The following IL1RAPL2 variants were observed in gnomAD, a reference collection of about 807,000 sequenced individuals.
The protein encoded by IL1RAPL2 is X-linked interleukin-1 receptor accessory protein-like 2.
A neutral mutation model predicts 44.1 loss-of-function variants in IL1RAPL2; 3 were observed. That is an observed-to-expected ratio of 0.07 (90% CI 0.03 to 0.18). IL1RAPL2 has a LOEUF of 0.18. Among genes scored for constraint, IL1RAPL2 ranks in the 10% least tolerant of loss-of-function variants. IL1RAPL2 has a pLI of 1.00. For synonymous variants in IL1RAPL2, 181 were observed against 178.8 expected, an observed-to-expected ratio of 1.01 and a Z score of -0.10; for missense variants, 391 against 496.4, an observed-to-expected ratio of 0.79 and a Z score of 2.02.
intron 2 of IL1RAPL2, among the ~76,000 whole-genome samples, chrX:104,933,981 T>G (rs2043361368): frequency 8.9e-6 from 1 of 111,747 alleles, no homozygotes; most frequent in South Asian, 3.7e-4. Context: ...GCAAATTATT[T>G]TGGAGATTTC....
chrX:104,902,888 G>A (rs1343063564), intron 2 of IL1RAPL2, among the ~76,000 whole-genome samples: 1 of 111,740 alleles, frequency 8.9e-6, no homozygotes, highest in Non-Finnish European at 1.9e-5. Context: ...AAATTGTGGT[G>A]TTCTGGGGGA....
intron 2 of IL1RAPL2, among the ~76,000 whole-genome samples, chrX:104,882,763 C>T (rs751466286): frequency 6.3e-5 from 7 of 111,797 alleles, no homozygotes; most frequent in South Asian, 3.8e-4. Context: ...TTTGTTCTTT[C>T]GCTCTTCTCA....
intron 2 of IL1RAPL2, among the ~76,000 whole-genome samples, chrX:104,858,243 T>G (rs1922414002): frequency 9.0e-6 from 1 of 111,712 alleles, no homozygotes; most frequent in South Asian, 3.7e-4. Context: ...CCCTAATATT[T>G]AGCAGAGAGT....
intron 5 of IL1RAPL2, among the ~76,000 whole-genome samples, chrX:105,416,975 T>C (rs1371789194): frequency 3.6e-5 from 4 of 112,344 alleles, no homozygotes; most frequent in Admixed American, 9.4e-5. Context: ...CCCTATTCCA[T>C]GTCTTGCAGA....
At chrX:104,992,381 C>T (rs920634045) in intron 2 of IL1RAPL2, among the ~76,000 whole-genome samples, 8 of 111,216 alleles carry the variant, frequency 7.2e-5, no homozygotes, top group Admixed American at 1.9e-4. Context: ...GCCCTTACAC[C>T]GGGTACTTGC....
chrX:105,719,113 G>C (rs182993961), intron 7 of IL1RAPL2, among the ~76,000 whole-genome samples: 12 of 111,717 alleles, frequency 1.1e-4, no homozygotes, highest in African/African-American at 3.9e-4. Flanking sequence ...TAGCAGCATT[G>C]CTCATAATAG....
At chrX:105,566,171 C>A (rs1451418585) in intron 6 of IL1RAPL2, among the ~76,000 whole-genome samples, 1 of 110,438 alleles carries the variant, frequency 9.1e-6, no homozygotes, top group East Asian at 2.9e-4. Flanking sequence ...CATGTGTATT[C>A]TTTTCTTATT....
At chrX:105,451,507 A>AT (rs1218460712) in intron 5 of IL1RAPL2, among the ~76,000 whole-genome samples, 6 of 112,193 alleles carry the variant, frequency 5.3e-5, no homozygotes, top group Non-Finnish European at 1.1e-4. Context: ...TATAAGACAG[A>AT]TATTAAAGTG....
At chrX:105,754,242 T>C (rs2038619112) in intron 9 of IL1RAPL2, among the ~76,000 whole-genome samples, 1 of 112,375 alleles carries the variant, frequency 8.9e-6, no homozygotes, top group Non-Finnish European at 1.9e-5. Context: ...TTTTTTTTAA[T>C]AAGGGAATTT....
chrX:105,146,706 G>A (rs752273122), intron 2 of IL1RAPL2, among the ~76,000 whole-genome samples: 1 of 111,110 alleles, frequency 9.0e-6, no homozygotes, highest in Non-Finnish European at 1.9e-5. Context: ...ATTGGGATTT[G>A]CAGTGAGAAA....
At chrX:105,147,080 G>A (rs1283324974) in intron 2 of IL1RAPL2, among the ~76,000 whole-genome samples, 1 of 111,209 alleles carries the variant, frequency 9.0e-6, no homozygotes, top group Non-Finnish European at 1.9e-5. Flanking sequence ...GGATGTCAGG[G>A]TTTAGTCCTC....
intron 6 of IL1RAPL2, among the ~76,000 whole-genome samples, chrX:105,665,726 GTTT>G (rs745949698): frequency 8.0e-5 from 6 of 75,211 alleles, no homozygotes; most frequent in East Asian, 3.2e-4. Context: ...TTTTATTTTT[GTTT>G]TTTTGTTTTT....
chrX:105,033,833 C>G (rs1189275077), intron 2 of IL1RAPL2, among the ~76,000 whole-genome samples: 1 of 111,970 alleles, frequency 8.9e-6, no homozygotes, highest in African/African-American at 3.2e-5. Context: ...CAACTTGGTT[C>G]CATTCTCCCC....
At chrX:104,732,435 G>A (rs555684819) in intron 2 of IL1RAPL2, among the ~76,000 whole-genome samples, 192 of 111,923 alleles carry the variant, frequency 1.7e-3, no homozygotes, top group Non-Finnish European at 3.2e-3. Flanking sequence ...AGAATGAAAA[G>A]GGAGATGCTA....
chrX:104,728,165 G>T (rs1205326697), intron 2 of IL1RAPL2, among the ~76,000 whole-genome samples: 1 of 111,504 alleles, frequency 9.0e-6, no homozygotes, highest in Non-Finnish European at 1.9e-5. Flanking sequence ...AAGAGCTGAG[G>T]AAAATAACAA....
chrX:105,438,267 T>C (rs2035895383), intron 5 of IL1RAPL2, among the ~76,000 whole-genome samples: 2 of 111,008 alleles, frequency 1.8e-5, no homozygotes, highest in Non-Finnish European at 3.8e-5. Context: ...CCTGGTTAAG[T>C]ACCAGATAAT....
At chrX:105,341,973 G>A (rs1261530553) in intron 5 of IL1RAPL2, among the ~76,000 whole-genome samples, 1 of 109,722 alleles carries the variant, frequency 9.1e-6, no homozygotes, top group Non-Finnish European at 1.9e-5. Context: ...GGAATACTAT[G>A]CAGCCATAAA....
chrX:105,207,916 C>A (rs1331338751), intron 3 of IL1RAPL2, among the ~76,000 whole-genome samples: 2 of 111,965 alleles, frequency 1.8e-5, no homozygotes, highest in Non-Finnish European at 3.8e-5. Flanking sequence ...GTGATACGTG[C>A]TATAGGAAAG....
Position 105,169,492 on chromosome X carries a change from C to CTTTTTTTTTTTTTTTTTTTTT in IL1RAPL2, c.83-25973_83-25953dup, listed in dbSNP as rs748101220. 3.1e-4 allele frequency among the ~76,000 whole-genome samples: 13 copies of CTTTTTTTTTTTTTTTTTTTTT among 41,561 alleles called. 3 individuals are homozygous for CTTTTTTTTTTTTTTTTTTTTT. Among genetic ancestry groups the CTTTTTTTTTTTTTTTTTTTTT allele is most frequent in the African/African-American group, 1.8e-3 (13 of 7,272 alleles). 36.1% of individuals were successfully genotyped at this position (41,561 alleles called of 115,157 possible). ...TGAGAAACTTTCAGTTTCTTTCTTT[C>CTTTTTTTTTTTTTTTTTTTTT]TTTTTTTTTTTTTTTTTTTTTTTTT... is the stretch of plus-strand genomic sequence containing the variant. On this transcript the variant is annotated intron_variant, in intron 2 of 10. Coordinates refer to ENST00000372582, the MANE Select transcript of IL1RAPL2 (RefSeq NM_017416.2).
Sources: gnomAD v4.1 joint callset for allele counts (sites outside exome capture counted in the v4.1 genomes callset) on GRCh38, gnomAD v4.1.1 for gene constraint, MANE v1.5 for transcripts, NCBI Gene and HGNC (gene_info 2026-07-23, HGNC 2026-07-21) for gene names.